HLTF: variants seen among roughly 807,000 people sequenced by gnomAD.
The protein encoded by HLTF is DNA-dependent ATPase/E3 ubiquitin-protein ligase HLTF.
In HLTF, 127 loss-of-function variants were observed where a neutral mutation model predicts 129.4. That is an observed-to-expected ratio of 0.98 (90% CI 0.85 to 1.14). The LOEUF is 1.14. Among genes scored for constraint, HLTF ranks in the 50% most tolerant of loss-of-function variants. HLTF has a pLI of 0.00. For missense variants in HLTF, 1,139 were observed against 1,187.1 expected, an observed-to-expected ratio of 0.96 and a Z score of 0.60; for synonymous variants, 332 against 388.8, an observed-to-expected ratio of 0.85 and a Z score of 1.72.
At chr3:149,043,277 T>TAAA (rs2107971210) in intron 18 of HLTF, among the ~76,000 whole-genome samples, 1 of 151,240 alleles carries the variant, frequency 6.6e-6, no homozygotes, top group East Asian at 1.9e-4. Flanking sequence ...TAGTCACTGA[T>TAAA]AAAAACATAG....
At chr3:149,041,929 A>G (rs1284721518) in intron 19 of HLTF, 3 of 580,542 alleles carry the variant, frequency 5.2e-6, no homozygotes, top group Admixed American at 3.1e-5. Context: ...GGCAGATCCA[A>G]TATGAATCTT....
chr3:149,072,400 C>G (rs888747546), intron 5 of HLTF, among the ~76,000 whole-genome samples: 8 of 152,330 alleles, frequency 5.3e-5, no homozygotes, highest in Non-Finnish European at 1.0e-4. Context: ...AATATTTTCT[C>G]AGTCCTACCA....
intron 4 of HLTF, 26 bp downstream of exon 4, chr3:149,074,189 A>G (rs1270707888): frequency 9.4e-6 from 15 of 1,592,318 alleles, no homozygotes; most frequent in Non-Finnish European, 1.2e-5. Context: ...ATATCAGAAT[A>G]ATATTAAGTG....
At chr3:149,034,883 A>T (rs757854627) in intron 24 of HLTF, 35 bp downstream of exon 24, 1 of 1,380,412 alleles carries the variant, frequency 7.2e-7, no homozygotes, top group Non-Finnish European at 1.0e-6. Flanking sequence ...AAATCGTATC[A>T]ACCTAGTCTT....
At chr3:149,046,671 T>G (rs1342693728) in intron 17 of HLTF, among the ~76,000 whole-genome samples, 2 of 152,126 alleles carry the variant, frequency 1.3e-5, no homozygotes. Context: ...CAAATATGGG[T>G]AAGATACTAC....
chr3:149,035,656 C>CAA (rs59996160), intron 23 of HLTF, among the ~76,000 whole-genome samples: 31 of 73,406 alleles, frequency 4.2e-4, no homozygotes, highest in Admixed American at 1.1e-3. Context: ...GACTCCGTCT[C>CAA]AAAAAAAAAA....
At chr3:149,045,924 ACTTT>A (rs1716510168) in intron 18 of HLTF, among the ~76,000 whole-genome samples, 152 bp downstream of exon 18, 1 of 152,182 alleles carries the variant, frequency 6.6e-6, no homozygotes, top group Non-Finnish European at 1.5e-5. Flanking sequence ...TATTTCATTC[ACTTT>A]ATTGATTTGT....
chr3:149,071,154 G>T, intron 7 of HLTF, 98 bp downstream of exon 7: 2 of 710,968 alleles, frequency 2.8e-6, no homozygotes, highest in South Asian at 4.5e-5. Context: ...TCCCAAACTG[G>T]TACCAACATA....
chr3:149,040,167 AAG>A lies in HLTF; in HGVS notation c.2377-13_2377-12del. The A allele has an allele frequency of 1.2e-6, 2 of 1,602,018 alleles. No homozygotes were observed. Among genetic ancestry groups the A allele is most frequent in the Non-Finnish European group, 1.7e-6 (2 of 1,176,770 alleles). On this transcript the variant is annotated splice_polypyrimidine_tract_variant and intron_variant, in intron 20 of 24. Coordinates refer to ENST00000310053, the MANE Select transcript of HLTF (RefSeq NM_003071.4). The stretch of plus-strand genomic sequence containing the variant: ...GCATTTAGCATGTGGCTATATAAGA[AAG>A]AACGAAGTATGAGCAACACTTAACA...
At chr3:149,047,388 TC>T (rs1716628387) in intron 17 of HLTF, among the ~76,000 whole-genome samples, 1 of 152,212 alleles carries the variant, frequency 6.6e-6, no homozygotes, top group Non-Finnish European at 1.5e-5. Flanking sequence ...ATGCCTGTAA[TC>T]CCAGCACTTT....
chr3:149,066,526 A>C (rs1485378515), intron 8 of HLTF, among the ~76,000 whole-genome samples: 1 of 151,486 alleles, frequency 6.6e-6, no homozygotes, highest in Non-Finnish European at 1.5e-5. Context: ...TGAAAGAGTG[A>C]CAATTTTTTT....
intron 23 of HLTF, among the ~76,000 whole-genome samples, chr3:149,037,966 G>C (rs1576573533): frequency 1.3e-5 from 2 of 152,136 alleles, no homozygotes; most frequent in South Asian, 4.1e-4. Flanking sequence ...CTACCTTCAT[G>C]CCTGTACTAC....
At chr3:149,050,860 G>A (rs190364135) in intron 14 of HLTF, among the ~76,000 whole-genome samples, 63 of 152,198 alleles carry the variant, frequency 4.1e-4, no homozygotes, top group Admixed American at 8.5e-4. Context: ...AACTAAAAAT[G>A]AAGAACAAAT....
rs1456792129 is a variant in HLTF at position 149,032,320 on chromosome 3, T to C, written c.2930A>G (p.Lys977Arg). 2.5e-6 allele frequency: 4 copies of C among 1,597,002 alleles called. No individual in the cohort carries two copies. The African/African-American group carries it at 4.1e-5, about 16-fold the overall frequency. ...AAAGGCTCCTGCTGCAAGTTCTCTCTTTTTGTTTTGTATTTTCAGCATATT... is the reference window on the plus strand; with the variant it reads ...AAAGGCTCCTGCTGCAAGTTCTCTCCTTTTGTTTTGTATTTTCAGCATATT... ...EENMLKIQNK[K>R]RELAAGAFGT... The change falls in exon 25 of 25, where the codon AAG becomes AGG. Residue 977 changes from lysine (K) to arginine (R), a missense_variant. By Grantham distance (26) the Lys-to-Arg change is conservative. Transcript: ENST00000310053.
chr3:149,073,462 G>C (rs1719045640), intron 4 of HLTF, 140 bp from the exon 5 acceptor site: 1 of 608,888 alleles, frequency 1.6e-6, no homozygotes. Context: ...GGGAGGCCAA[G>C]GCAGGTGGTT....
chr3:149,039,135 A>T lies in HLTF; in HGVS notation c.2710T>A (p.Ser904Thr). The change falls in exon 23 of 25, where the codon TCT (serine) becomes ACT (threonine). Residue 904 changes from serine (S) to threonine (T), a missense_variant. By Grantham distance (58) the Ser-to-Thr change is moderately conservative (BLOSUM62 1). Coordinates refer to ENST00000310053, the MANE Select transcript of HLTF (RefSeq NM_003071.4). ...IQCFQNTEAGSPTIMLLSLKA... is the reference protein window; with the variant it reads ...IQCFQNTEAGTPTIMLLSLKA... ...AAGGACAGAAGCATTATAGTTGGAG[A>T]TCCTGCTTCAGTGTTTTGAAAACAC... 6.2e-7 allele frequency: 1 copy of T among 1,612,780 alleles called. No homozygotes were observed. Among genetic ancestry groups the T allele is most frequent in the Middle Eastern group, 1.7e-4 (1 of 6,052 alleles).
chr3:149,064,263 A>G (rs1718180130), intron 9 of HLTF, among the ~76,000 whole-genome samples: 1 of 152,188 alleles, frequency 6.6e-6, no homozygotes, highest in Non-Finnish European at 1.5e-5. Context: ...CTTAAGTAAT[A>G]GCACCAATTG....
intron 10 of HLTF, chr3:149,062,985 G>A: frequency 6.6e-6 from 3 of 452,740 alleles, no homozygotes; most frequent in South Asian, 4.7e-5. Context: ...TAGTGATCTT[G>A]GTAGTTTCAA....
rs576719526 is a variant in HLTF, at chr3:149,071,875, C to T, written c.628-218G>A. ...CAGCCTGGATAACATAGTGAGAGAT[C>T]CCATCTCTACAAAAAAATTTTTAAA... On this transcript the variant is annotated intron_variant, in intron 5 of 24. Coordinates refer to ENST00000310053, the MANE Select transcript of HLTF (RefSeq NM_003071.4). Among the ~76,000 whole-genome samples, 26 of 152,042 alleles carry T rather than the reference C, an allele frequency of 1.7e-4. 1 individual carries two copies. The South Asian group carries it at 4.0e-3, about 23-fold the overall frequency.
Sources: allele counts gnomAD v4.1 joint callset (sites outside exome capture counted in the v4.1 genomes callset), GRCh38; gene constraint gnomAD v4.1.1; transcripts MANE v1.5; gene names NCBI Gene and HGNC (gene_info 2026-07-23, HGNC 2026-07-21).